Variants in EPHA5 observed in about 807,000 individuals in gnomAD.
EPHA5 encodes EPH receptor A5.
In EPHA5, 60 loss-of-function variants were observed where a neutral mutation model predicts 105.0. That is an observed-to-expected ratio of 0.57 (90% CI 0.46 to 0.71). The LOEUF is 0.71. Among genes scored for constraint, EPHA5 ranks in the 30% least tolerant of loss-of-function variants. EPHA5 has a pLI of 0.00. For missense variants in EPHA5, 1,218 were observed against 1,274.7 expected, an observed-to-expected ratio of 0.96 and a Z score of 0.68; for synonymous variants, 513 against 449.1, an observed-to-expected ratio of 1.14 and a Z score of -1.80.
intron 7 of EPHA5, 79 bp downstream of exon 7, chr4:65,414,205 C>T (rs2149017802): frequency 1.6e-6 from 2 of 1,269,134 alleles, no homozygotes; most frequent in Non-Finnish European, 2.3e-6. Flanking sequence ...ACAGAGTGCC[C>T]AGGGAGGGTA....
At chr4:65,591,132 A>G (rs1487041541) in intron 3 of EPHA5, among the ~76,000 whole-genome samples, 1 of 152,118 alleles carries the variant, frequency 6.6e-6, no homozygotes. Context: ...GTGCTAAAAA[A>G]GTAAATATAT....
chr4:65,458,910 A>T (rs770151028), intron 5 of EPHA5, among the ~76,000 whole-genome samples: 20 of 152,088 alleles, frequency 1.3e-4, no homozygotes, highest in Non-Finnish European at 2.4e-4. Flanking sequence ...GCAAGTTAAC[A>T]TATTCATTAA....
intron 4 of EPHA5, among the ~76,000 whole-genome samples, chr4:65,493,347 A>C (rs540519145): frequency 1.3e-5 from 2 of 152,288 alleles, no homozygotes; most frequent in South Asian, 4.1e-4. Flanking sequence ...TTTTTCCTGT[A>C]GGCTTATAAA....
At chr4:65,417,107 A>AGGG (rs749210618) in intron 6 of EPHA5, among the ~76,000 whole-genome samples, 1 of 152,194 alleles carries the variant, frequency 6.6e-6, no homozygotes, top group Non-Finnish European at 1.5e-5. Flanking sequence ...CACCCTGCCA[A>AGGG]GGGGCAGCTT....
intron 14 of EPHA5, among the ~76,000 whole-genome samples, chr4:65,338,294 C>CTTT (rs1431471597): frequency 6.6e-6 from 1 of 151,936 alleles, no homozygotes; most frequent in East Asian, 1.9e-4. Flanking sequence ...TTTTTATTCC[C>CTTT]TTTAACAGCA....
chr4:65,498,916 T>C (rs1209412821), intron 3 of EPHA5, among the ~76,000 whole-genome samples: 5 of 151,524 alleles, frequency 3.3e-5, no homozygotes, highest in Non-Finnish European at 7.4e-5. Context: ...CAAGGGGTCA[T>C]AGTACCCTGC....
chr4:65,600,734 A>C (rs928221295), intron 3 of EPHA5, among the ~76,000 whole-genome samples: 1 of 152,140 alleles, frequency 6.6e-6, no homozygotes, highest in African/African-American at 2.4e-5. Context: ...ATCATGATGA[A>C]AACAAGTTCA....
At chr4:65,402,153 A>C (rs1012380846) in intron 8 of EPHA5, among the ~76,000 whole-genome samples, 4 of 151,934 alleles carry the variant, frequency 2.6e-5, no homozygotes, top group Admixed American at 2.0e-4. Flanking sequence ...CCCTTTCAGC[A>C]CTTCTCCTTC....
rs1736001839 is a variant in EPHA5 at position 65,533,350 on chromosome 4, T to G, written c.911-37807A>C. Among the ~76,000 whole-genome samples the G allele has an allele frequency of 2.0e-5, 3 of 152,252 alleles. 1 individual carries two copies. In the South Asian group the frequency reaches 6.2e-4, roughly 32 times the overall value. The stretch of plus-strand genomic sequence containing the variant: ...TAAAACCATTTTTTTGTGCCATGAC[T>G]AAATAAGCTAGGCAGGATAAATATT... On this transcript the variant is annotated intron_variant, in intron 3 of 16. Transcript: ENST00000613740.
intron 3 of EPHA5, among the ~76,000 whole-genome samples, chr4:65,578,858 CTATAAT>C (rs1741327321): frequency 6.6e-6 from 1 of 151,748 alleles, no homozygotes; most frequent in African/African-American, 2.4e-5. Context: ...CTTCTAGAGC[CTATAAT>C]TATAAGTTTA....
chr4:65,418,012 A>G (rs1207022061), intron 6 of EPHA5, among the ~76,000 whole-genome samples: 2 of 152,178 alleles, frequency 1.3e-5, no homozygotes, highest in Non-Finnish European at 2.9e-5. Context: ...GTTGATTCAG[A>G]GATAAAAGAA....
intron 2 of EPHA5, among the ~76,000 whole-genome samples, chr4:65,616,486 G>C (rs573815190): frequency 1.1e-4 from 16 of 151,378 alleles, no homozygotes; most frequent in African/African-American, 3.9e-4. Flanking sequence ...AGCATTAAGA[G>C]AAGGGAGAAT....
intron 5 of EPHA5, among the ~76,000 whole-genome samples, chr4:65,447,936 C>A (rs1726708942): frequency 6.6e-6 from 1 of 151,772 alleles, no homozygotes; most frequent in Non-Finnish European, 1.5e-5. Context: ...GTAGAAAGAA[C>A]AAGAACATAA....
intron 7 of EPHA5, among the ~76,000 whole-genome samples, chr4:65,412,197 C>T (rs868227300): frequency 3.6e-4 from 55 of 152,132 alleles, no homozygotes; most frequent in Non-Finnish European, 8.8e-5. Context: ...CATTGCACTC[C>T]AGTCTGGGCC....
intron 3 of EPHA5, among the ~76,000 whole-genome samples, chr4:65,504,511 G>A (rs1455225825): frequency 6.6e-6 from 1 of 151,788 alleles, no homozygotes; most frequent in African/African-American, 2.4e-5. Flanking sequence ...AGATAAAATA[G>A]TTAAGCTGAA....
At chr4:65,377,462 A>C (rs962318202) in intron 8 of EPHA5, among the ~76,000 whole-genome samples, 2 of 151,948 alleles carry the variant, frequency 1.3e-5, no homozygotes, top group Non-Finnish European at 2.9e-5. Flanking sequence ...CATGTTTTGC[A>C]CATAGCCTAC....
At chr4:65,407,514 C>CTGT (rs1553910564) in intron 7 of EPHA5, among the ~76,000 whole-genome samples, 2 of 151,218 alleles carry the variant, frequency 1.3e-5, no homozygotes, top group East Asian at 3.9e-4. Flanking sequence ...TGTTAAAATG[C>CTGT]TAAGACATTT....
At chr4:65,603,284 C>A (rs1019668675) in intron 2 of EPHA5, among the ~76,000 whole-genome samples, 1 of 151,780 alleles carries the variant, frequency 6.6e-6, no homozygotes, top group African/African-American at 2.4e-5. Context: ...CGGTACAGAG[C>A]CAAATTTTTA....
chr4:65,335,850 G>A (rs1005749594), intron 15 of EPHA5, 82 bp downstream of exon 15: 13 of 1,393,042 alleles, frequency 9.3e-6, no homozygotes, highest in Non-Finnish European at 1.3e-5. Flanking sequence ...GTCTATACGA[G>A]AATGATTTAA....
Sources: gnomAD v4.1 joint callset for allele counts (sites outside exome capture counted in the v4.1 genomes callset) on GRCh38, gnomAD v4.1.1 for gene constraint, MANE v1.5 for transcripts, NCBI Gene and HGNC (gene_info 2026-07-23, HGNC 2026-07-21) for gene names.